Variants in CNTNAP2 observed in about 807,000 individuals in gnomAD.
CNTNAP2 encodes contactin-associated protein-like 2.
CNTNAP2 carries 98 observed loss-of-function variants against 155.2 expected under a neutral mutation model. That is an observed-to-expected ratio of 0.63 (90% CI 0.54 to 0.75). CNTNAP2 has a LOEUF of 0.75. Among genes scored for constraint, CNTNAP2 ranks in the 30% least tolerant of loss-of-function variants. The pLI is 0.00. For missense variants in CNTNAP2, 1,727 were observed against 1,688.1 expected (o/e 1.02, Z -0.40); for synonymous variants, 651 against 631.2 (o/e 1.03, Z -0.47).
At chr7:146,872,162 ATTTTTTTTTTTTT>A (rs144291754) in intron 3 of CNTNAP2, among the ~76,000 whole-genome samples, 1 of 111,532 alleles carries the variant, frequency 9.0e-6, no homozygotes, top group Non-Finnish European at 1.8e-5. Context: ...AAATTATTGA[ATTTTTTTTTTTTT>A]TTTTTTTTTT....
chr7:147,053,505 G>C (rs531620496), intron 4 of CNTNAP2, among the ~76,000 whole-genome samples: 1 of 152,070 alleles, frequency 6.6e-6, no homozygotes, highest in African/African-American at 2.4e-5. Flanking sequence ...TATAGAGCTA[G>C]AGTCACATCA....
In CNTNAP2 at chr7:147,583,503, CATATAT is replaced by C. The variant is rs71183019; in HGVS notation, c.1897+21270_1897+21275del. 3.2e-3 allele frequency among the ~76,000 whole-genome samples: 416 copies of C among 129,104 alleles called. 3 individuals carry two copies. The highest frequency in any genetic ancestry group is 8.1e-3 in the African/African-American group (269 of 33,192). The allele number at this position is 129,104 out of a possible 152,430, so 84.7% of individuals were successfully genotyped here. On this transcript the variant is annotated intron_variant, in intron 12 of 23. Transcript: ENST00000361727. ...TTATATATATATATAAAAGACATGA[CATATAT>C]ATATATATATATATATATATATAAT...
In CNTNAP2 at chr7:147,911,160, G is replaced by A. The variant is rs190122513; in HGVS notation, c.2255+7439G>A. 2.4e-3 allele frequency among the ~76,000 whole-genome samples: 359 copies of A among 151,732 alleles called. 2 individuals are homozygous for A. The highest frequency in any genetic ancestry group is 6.8e-3 in the Admixed American group (104 of 15,232). ...CCCTGGCCAGTTAACCTTAAATAAT[G>A]AGTTCAGAAAATGTGATTAAATATA... On this transcript the variant is annotated intron_variant, in intron 14 of 23. Transcript: ENST00000361727.
At chr7:147,246,596 C>T (rs906587667) in intron 8 of CNTNAP2, among the ~76,000 whole-genome samples, 1 of 152,120 alleles carries the variant, frequency 6.6e-6, no homozygotes, top group Non-Finnish European at 1.5e-5. Context: ...GTTCTGTTCT[C>T]ATAATCTAAT....
chr7:146,406,190 A>G (rs761127324), intron 1 of CNTNAP2, among the ~76,000 whole-genome samples: 15 of 152,206 alleles, frequency 9.9e-5, no homozygotes, highest in Non-Finnish European at 1.3e-4. Context: ...TTTCATCTCT[A>G]TAGCCTATAT....
chr7:146,912,956 C>T (rs1376148171), intron 3 of CNTNAP2, among the ~76,000 whole-genome samples: 1 of 152,074 alleles, frequency 6.6e-6, no homozygotes, highest in Non-Finnish European at 1.5e-5. Context: ...TTGCTCCCTT[C>T]CTTTGTTGAT....
rs76084755 is a variant in CNTNAP2 at position 148,129,817 on chromosome 7, G to C, written c.2554+11529G>C. ...CCTGCCGGAGACCATCAGCCATCCA[G>C]TGTGGCTTACCACCTCCCAACCTAA... On this transcript the variant is annotated intron_variant, in intron 16 of 23. Transcript: ENST00000361727. Among the ~76,000 whole-genome samples, 383 of 152,334 alleles carry C rather than the reference G, an allele frequency of 2.5e-3. 1 individual carries two copies. The highest frequency in any genetic ancestry group is 8.8e-3 in the African/African-American group (367 of 41,578).
At chr7:146,200,889 A>G (rs981102000) in intron 1 of CNTNAP2, among the ~76,000 whole-genome samples, 22 of 152,172 alleles carry the variant, frequency 1.4e-4, no homozygotes, top group African/African-American at 5.3e-4. Context: ...TGGCCTCTGA[A>G]CAGAACCAAA....
At chr7:146,272,448 T>C (rs1800097273) in intron 1 of CNTNAP2, among the ~76,000 whole-genome samples, 1 of 152,282 alleles carries the variant, frequency 6.6e-6, no homozygotes, top group Non-Finnish European at 1.5e-5. Context: ...CTTTCTCCAA[T>C]TGGCTACATT....
chr7:147,190,035 T>C (rs182285019), intron 8 of CNTNAP2, among the ~76,000 whole-genome samples: 51 of 152,242 alleles, frequency 3.3e-4, no homozygotes, highest in Admixed American at 9.8e-4. Flanking sequence ...TGAGCCACCG[T>C]GCCCACCCTT....
chr7:147,711,982 T>C (rs555815787), intron 13 of CNTNAP2, among the ~76,000 whole-genome samples: 7 of 152,286 alleles, frequency 4.6e-5, no homozygotes, highest in Non-Finnish European at 7.4e-5. Flanking sequence ...TATTTGAAAA[T>C]TAAGATCCTC....
chr7:147,278,029 T>C (rs1363337283), intron 8 of CNTNAP2, among the ~76,000 whole-genome samples: 2 of 151,544 alleles, frequency 1.3e-5, no homozygotes, highest in Non-Finnish European at 3.0e-5. Flanking sequence ...CAAACATATA[T>C]TGAGTATGAA....
At chr7:146,426,855 G>GCACA (rs1041670196) in intron 1 of CNTNAP2, among the ~76,000 whole-genome samples, 3 of 142,152 alleles carry the variant, frequency 2.1e-5, no homozygotes, top group African/African-American at 8.4e-5. Context: ...TGTTCTTACT[G>GCACA]CACACACACA....
At chr7:146,805,384 T>A (rs889358501) in intron 2 of CNTNAP2, among the ~76,000 whole-genome samples, 4 of 152,224 alleles carry the variant, frequency 2.6e-5, no homozygotes, top group Non-Finnish European at 5.9e-5. Context: ...ACTCATCACT[T>A]GGGATTGGTG....
In CNTNAP2 at chr7:146,405,710, G is replaced by A. The variant is rs553691309; in HGVS notation, c.97+288737G>A. Among the ~76,000 whole-genome samples the A allele has an allele frequency of 5.3e-5, 8 of 152,254 alleles. No individual in the cohort carries two copies. The East Asian group carries it at 5.8e-4, about 11-fold the overall frequency. On this transcript the variant is annotated intron_variant, in intron 1 of 23. Transcript: ENST00000361727. ...AGTTTGTGTTTGAAGCAAATATTCA[G>A]AATTATCAGGACAGGTTTCTACAAG...
chr7:147,859,441 CAT>C lies in CNTNAP2; in HGVS notation c.2099-44123_2099-44122del, dbSNP rs1317353288. On this transcript the variant is annotated intron_variant, in intron 13 of 23. Transcript: ENST00000361727. The stretch of plus-strand genomic sequence containing the variant: ...CAAGACCAAAAAAAAAAAAAAAAAA[CAT>C]GTCATATTTTCTGCAGTGCAGCTAA... 6.2e-4 allele frequency among the ~76,000 whole-genome samples: 69 copies of C among 110,802 alleles called. 1 individual carries two copies. The highest frequency in any genetic ancestry group is 2.3e-3 in the South Asian group (9 of 3,856). The allele number at this position is 110,802 out of a possible 152,430, so 72.7% of individuals were successfully genotyped here.
chr7:146,578,855 T>C (rs1406299792), intron 1 of CNTNAP2, among the ~76,000 whole-genome samples: 1 of 152,158 alleles, frequency 6.6e-6, no homozygotes, highest in East Asian at 1.9e-4. Flanking sequence ...AAGTCAGATT[T>C]TTTTTAAATC....
At chr7:148,298,188 C>T (rs150879098) in intron 21 of CNTNAP2, among the ~76,000 whole-genome samples, 2 of 152,130 alleles carry the variant, frequency 1.3e-5, no homozygotes, top group Non-Finnish European at 2.9e-5. Context: ...CCAAGTCCAA[C>T]CTGCCTATTT....
chr7:147,705,840 A>C (rs2117009777), intron 13 of CNTNAP2, among the ~76,000 whole-genome samples: 1 of 152,232 alleles, frequency 6.6e-6, no homozygotes, highest in African/African-American at 2.4e-5. Context: ...TTTGACTTAA[A>C]GTCTGTGTTT....
Sources: gnomAD v4.1 joint callset for allele counts (sites outside exome capture counted in the v4.1 genomes callset) on GRCh38, gnomAD v4.1.1 for gene constraint, MANE v1.5 for transcripts, NCBI Gene and HGNC (gene_info 2026-07-23, HGNC 2026-07-21) for gene names.